Variants in CA10 observed in about 807,000 individuals in gnomAD.
CA10 encodes the protein carbonic anhydrase-related protein 10.
Under a neutral mutation model 44.2 loss-of-function variants are expected in CA10, and 14 were observed. The observed-to-expected ratio is 0.32, with a 90% CI of 0.21 to 0.50. CA10 has a LOEUF of 0.50. Ranked by LOEUF, CA10 falls within the 20% of genes least tolerant of loss-of-function variation. The probability of loss-of-function intolerance (pLI) is 0.99; values close to 1 mark genes in which losing one functional copy is unlikely to be tolerated. For missense variants in CA10, 350 were observed against 409.7 expected (o/e 0.85, Z 1.26); for synonymous variants, 159 against 141.6 (o/e 1.12, Z -0.87).
At chr17:51,799,408 A>C (rs1598050889) in intron 3 of CA10, among the ~76,000 whole-genome samples, 1 of 152,060 alleles carries the variant, frequency 6.6e-6, no homozygotes, top group African/African-American at 2.4e-5. Context: ...TTGCTCATCT[A>C]TCTGGGGATT....
intron 1 of CA10, among the ~76,000 whole-genome samples, chr17:52,103,957 C>T (rs1023507604): frequency 3.9e-5 from 6 of 152,180 alleles, no homozygotes; most frequent in Non-Finnish European, 7.3e-5. Flanking sequence ...TAGGTTCAAA[C>T]CCCAGCTCTG....
intron 3 of CA10, among the ~76,000 whole-genome samples, chr17:51,904,002 G>A (rs1981432490): frequency 6.6e-6 from 1 of 151,716 alleles, no homozygotes; most frequent in African/African-American, 2.4e-5. Context: ...GGTCTGGTGT[G>A]CATGTATGTG....
chr17:52,044,330 G>A (rs1394069522), intron 2 of CA10, among the ~76,000 whole-genome samples: 1 of 151,954 alleles, frequency 6.6e-6, no homozygotes. Flanking sequence ...TTAAGACAGG[G>A]TCTCCCTCTG....
In CA10 at chr17:52,074,062, C is replaced by T. The variant is rs190319721; in HGVS notation, c.62-1669G>A. Among the ~76,000 whole-genome samples the T allele has an allele frequency of 2.6e-5, 4 of 152,292 alleles. No individual in the cohort carries two copies. The East Asian group carries it at 5.8e-4, about 22-fold the overall frequency. On this transcript the variant is annotated intron_variant, in intron 1 of 8. Coordinates refer to ENST00000451037, the MANE Select transcript of CA10 (RefSeq NM_020178.5). ...CTCTGGGTCTTGGTATTGCCTGACT[C>T]ACCCTCCTTCTCCCCCAATTCGTTA... is the stretch of plus-strand genomic sequence containing the variant.
chr17:51,804,900 G>T (rs909305836), intron 3 of CA10, among the ~76,000 whole-genome samples: 14 of 152,150 alleles, frequency 9.2e-5, no homozygotes, highest in African/African-American at 3.4e-4. Context: ...AAGGTCTTAA[G>T]TTCCTTAATT....
chr17:51,719,101 C>T (rs181601411), intron 4 of CA10, among the ~76,000 whole-genome samples: 5 of 152,152 alleles, frequency 3.3e-5, no homozygotes, highest in East Asian at 1.9e-4. Context: ...AACTACATTA[C>T]GGAGAAGAGG....
chr17:51,915,367 C>A (rs1242613284), intron 3 of CA10, among the ~76,000 whole-genome samples: 1 of 152,198 alleles, frequency 6.6e-6, no homozygotes, highest in Non-Finnish European at 1.5e-5. Flanking sequence ...AGGTGATCAA[C>A]AAACTCTTAC....
intron 3 of CA10, among the ~76,000 whole-genome samples, chr17:51,904,332 A>G (rs1981449293): frequency 6.6e-6 from 1 of 152,036 alleles, no homozygotes; most frequent in African/African-American, 2.4e-5. Flanking sequence ...GATCTTTCTA[A>G]TTCCTAAACT....
At chr17:52,053,413 C>G (rs1987133436) in intron 2 of CA10, among the ~76,000 whole-genome samples, 1 of 151,920 alleles carries the variant, frequency 6.6e-6, no homozygotes, top group African/African-American at 2.4e-5. Context: ...ACATAAAAAA[C>G]AAAAGAAAAC....
At chr17:51,708,342 T>G (rs1328073322) in intron 4 of CA10, among the ~76,000 whole-genome samples, 1 of 152,210 alleles carries the variant, frequency 6.6e-6, no homozygotes, top group Non-Finnish European at 1.5e-5. Flanking sequence ...ACACTTAGAC[T>G]TTCACAGAAT....
chr17:51,820,029 A>C (rs62063182), intron 3 of CA10, among the ~76,000 whole-genome samples: 47,940 of 151,798 alleles, frequency 0.32, 7,808 homozygotes, highest in Middle Eastern at 0.38. Flanking sequence ...TTCTCACTTA[A>C]TCATTATAAG....
At chr17:51,841,004 T>C (rs1324179986) in intron 3 of CA10, among the ~76,000 whole-genome samples, 1 of 151,904 alleles carries the variant, frequency 6.6e-6, no homozygotes, top group African/African-American at 2.4e-5. Flanking sequence ...TCTGGAAGGC[T>C]AAGTGATGGG....
chr17:52,034,827 G>A (rs1986570346), intron 2 of CA10, among the ~76,000 whole-genome samples: 1 of 152,152 alleles, frequency 6.6e-6, no homozygotes, highest in Admixed American at 6.5e-5. Context: ...GTATTGCACA[G>A]CTCAAGTAGG....
At chr17:51,653,029 G>A (rs1913637553) in intron 5 of CA10, among the ~76,000 whole-genome samples, 1 of 151,886 alleles carries the variant, frequency 6.6e-6, no homozygotes, top group South Asian at 2.1e-4. Context: ...ATTAGAATGT[G>A]ATTGGTTGGA....
intron 2 of CA10, among the ~76,000 whole-genome samples, chr17:51,986,385 C>G (rs1984837709): frequency 6.6e-6 from 1 of 152,018 alleles, no homozygotes; most frequent in African/African-American, 2.4e-5. Flanking sequence ...AATCTAAGAC[C>G]TGAAACTGTA....
At chr17:51,670,789 G>A (rs1293113990) in intron 4 of CA10, among the ~76,000 whole-genome samples, 1 of 152,112 alleles carries the variant, frequency 6.6e-6, no homozygotes, top group East Asian at 1.9e-4. Context: ...TGCAAAAATC[G>A]ACGTATGAGA....
At chr17:51,790,721 T>C (rs778147613) in intron 3 of CA10, among the ~76,000 whole-genome samples, 1 of 152,212 alleles carries the variant, frequency 6.6e-6, no homozygotes, top group Non-Finnish European at 1.5e-5. Flanking sequence ...TCTGTTACCA[T>C]GACAAGGTAA....
intron 2 of CA10, among the ~76,000 whole-genome samples, chr17:51,980,528 T>G (rs1228592243): frequency 1.3e-5 from 2 of 152,162 alleles, no homozygotes; most frequent in Admixed American, 6.6e-5. Context: ...TTTAATTAGA[T>G]CCCATTTGTC....
chr17:51,880,811 T>C (rs1447623177), intron 3 of CA10, among the ~76,000 whole-genome samples: 2 of 152,110 alleles, frequency 1.3e-5, no homozygotes, highest in Non-Finnish European at 2.9e-5. Context: ...ATGTTCATAG[T>C]GCATTGATAG....
Sources: gnomAD v4.1 joint callset for allele counts (sites outside exome capture counted in the v4.1 genomes callset) on GRCh38, gnomAD v4.1.1 for gene constraint, MANE v1.5 for transcripts, NCBI Gene and HGNC (gene_info 2026-07-23, HGNC 2026-07-21) for gene names.